Variants in ANK2 observed in about 807,000 individuals in gnomAD.
ANK2 encodes the protein ankyrin 2.
A neutral mutation model predicts 360.5 loss-of-function variants in ANK2; 83 were observed. The ratio of observed to expected loss-of-function variants is 0.23; its 90% CI spans 0.19 to 0.28. ANK2 has a LOEUF of 0.28. Among genes scored for constraint, ANK2 ranks in the 10% least tolerant of loss-of-function variants. The probability of loss-of-function intolerance (pLI) is 1.00; values close to 1 mark genes in which losing one functional copy is unlikely to be tolerated. For synonymous variants in ANK2, 1,740 were observed against 1,759.5 expected (o/e 0.99, Z 0.28); for missense variants, 4,201 against 4,795.7 (o/e 0.88, Z 3.66).
chr4:112,711,076 C>T, the ANK2 span, among the ~76,000 whole-genome samples: 27 of 151,306 alleles, frequency 1.8e-4, no homozygotes, highest in African/African-American at 6.3e-4. Context: ...AGGTGTGAGC[C>T]ACTGCGCCTG....
At chr4:112,869,558 C>T (rs1475281191) in intron 1 of ANK2, among the ~76,000 whole-genome samples, 1 of 152,230 alleles carries the variant, frequency 6.6e-6, no homozygotes, top group East Asian at 1.9e-4. Flanking sequence ...ATTGGGATTA[C>T]AGGCTTAAGC....
rs66628618 is a variant in ANK2, at chr4:113,250,756, C to CCT, written c.990+895_990+896insTC. 1.9e-4 allele frequency among the ~76,000 whole-genome samples: 4 copies of CCT among 21,344 alleles called. 1 individual carries two copies. The highest frequency in any genetic ancestry group is 2.6e-4 in the Non-Finnish European group (2 of 7,692). 14.0% of individuals were successfully genotyped at this position (21,344 alleles called of 152,430 possible). On this transcript the variant is annotated intron_variant, in intron 10 of 45. Coordinates refer to ENST00000357077, the MANE Select transcript of ANK2 (RefSeq NM_001148.6). ...TATTCCATTCCACCTCATACCACCG[C>CCT]CCCCCCCCCCGACAGAGTTGGTATC...
chr4:113,192,157 G>C (rs917516763), intron 2 of ANK2, among the ~76,000 whole-genome samples: 1 of 152,054 alleles, frequency 6.6e-6, no homozygotes, highest in Non-Finnish European at 1.5e-5. Context: ...GTGGTTTGCC[G>C]CATCTATCAA....
chr4:112,973,722 T>G (rs1377601774), intron 2 of ANK2, among the ~76,000 whole-genome samples: 2 of 152,214 alleles, frequency 1.3e-5, no homozygotes, highest in East Asian at 3.8e-4. Flanking sequence ...CTATTGTTTC[T>G]TCAGTCCAAA....
chr4:112,897,083 G>A (rs1441502139), intron 1 of ANK2, among the ~76,000 whole-genome samples: 1 of 152,054 alleles, frequency 6.6e-6, no homozygotes, highest in Admixed American at 6.6e-5. Context: ...TCTTACAGCC[G>A]AGGTTAGAGA....
chr4:113,293,524 A>G lies in ANK2; in HGVS notation c.2461A>G (p.Thr821Ala). The change falls in exon 22 of 46, where the codon ACC (threonine) becomes GCC (alanine). Residue 821 changes from threonine (T) to alanine (A), a missense_variant. By Grantham distance (58) the Thr-to-Ala change is moderately conservative. This residue lies in a region of ANK2 where 1,268 missense variants were observed against 1,650.8 expected (regional missense o/e 0.77). Coordinates refer to ENST00000357077, the MANE Select transcript of ANK2 (RefSeq NM_001148.6). ...CCTGAAGGTTGTGACTGAGGAGGTC[A>G]CCACCACCACCACAGTGAGTATGAG... ...DTLKVVTEEVTTTTTTITEKH... is the reference protein window; with the variant it reads ...DTLKVVTEEVATTTTTITEKH... 1 of 1,607,106 alleles carries G rather than the reference A, an allele frequency of 6.2e-7. No homozygotes were observed. The highest frequency in any genetic ancestry group is 8.5e-7 in the Non-Finnish European group (1 of 1,175,444).
At chr4:112,982,795 A>T (rs2154273271) in intron 2 of ANK2, among the ~76,000 whole-genome samples, 1 of 152,312 alleles carries the variant, frequency 6.6e-6, no homozygotes, top group East Asian at 1.9e-4. Context: ...TACTGTTTAC[A>T]CCTTTCAGTT....
At chr4:112,747,708 A>G in the ANK2 span, among the ~76,000 whole-genome samples, 1 of 152,218 alleles carries the variant, frequency 6.6e-6, no homozygotes. Flanking sequence ...TGGAACATCA[A>G]GAATATTGAG....
At chr4:112,838,203 TTC>T (rs898724458) in intron 1 of ANK2, among the ~76,000 whole-genome samples, 1 of 152,138 alleles carries the variant, frequency 6.6e-6, no homozygotes. Context: ...CACTTCCTCA[TTC>T]TCTCTCTCTT....
At position 112,979,327 on chromosome 4, in the gene ANK2, C is replaced by T. The variant is rs542938588; in HGVS notation, c.21+74813C>T. Among the ~76,000 whole-genome samples, 72 of 152,292 alleles carry T rather than the reference C, an allele frequency of 4.7e-4. No homozygotes were observed. In the East Asian group the frequency reaches 7.9e-3, roughly 17 times the overall value. ...GAGGCTGTGGCTGGATCAGGTGTAC[C>T]GCAAGCAGCTTCCAAGGTGGGTACC... On this transcript the variant is annotated intron_variant, in intron 2 of 30. Transcript: ENST00000503271.
chr4:113,199,753 T>G (rs1355678432), intron 4 of ANK2, among the ~76,000 whole-genome samples: 1 of 152,178 alleles, frequency 6.6e-6, no homozygotes, highest in Admixed American at 6.5e-5. Flanking sequence ...TTGAGAAATA[T>G]ATCTTTATAA....
chr4:112,865,661 A>G (rs2070233880), intron 1 of ANK2, among the ~76,000 whole-genome samples: 1 of 152,224 alleles, frequency 6.6e-6, no homozygotes, highest in African/African-American at 2.4e-5. Context: ...TAGAATTTAT[A>G]AAAGATGTGC....
chr4:112,710,903 T>TTTTA, the ANK2 span, among the ~76,000 whole-genome samples: 1 of 141,292 alleles, frequency 7.1e-6, no homozygotes, highest in Non-Finnish European at 1.5e-5. Flanking sequence ...TGAACAGGTT[T>TTTTA]TATATATATA....
intron 1 of ANK2, among the ~76,000 whole-genome samples, chr4:112,883,844 AAAAT>A (rs1217862625): frequency 7.2e-6 from 1 of 138,346 alleles, no homozygotes; most frequent in Non-Finnish European, 1.5e-5. Context: ...AATATATATA[AAAAT>A]ATCATTCATT....
intron 2 of ANK2, among the ~76,000 whole-genome samples, chr4:112,924,272 G>A (rs2092164899): frequency 6.6e-6 from 1 of 151,898 alleles, no homozygotes; most frequent in Non-Finnish European, 1.5e-5. Flanking sequence ...GGGAGGCTGA[G>A]GCAGAGAATT....
At chr4:112,827,301 A>G in intron 1 of ANK2, 1 of 1,089,518 alleles carries the variant, frequency 9.2e-7, no homozygotes, top group Admixed American at 1.7e-5. Context: ...AAGAAGATCC[A>G]GAACAGCTGA....
chr4:112,808,975 C>A, the ANK2 span, among the ~76,000 whole-genome samples: 1 of 152,026 alleles, frequency 6.6e-6, no homozygotes, highest in African/African-American at 2.4e-5. Context: ...TCTCCTGCAT[C>A]AGCCTCCGGA....
the ANK2 span, among the ~76,000 whole-genome samples, chr4:112,735,760 T>C: frequency 6.6e-6 from 1 of 152,214 alleles, no homozygotes; most frequent in Non-Finnish European, 1.5e-5. Context: ...TTAGGTTTAA[T>C]CACATTGTTC....
the ANK2 span, among the ~76,000 whole-genome samples, chr4:112,714,813 A>G: frequency 4.6e-5 from 7 of 152,208 alleles, no homozygotes; most frequent in Non-Finnish European, 1.0e-4. Context: ...GGGGTATTAT[A>G]TGGGTAGATT....
Sources: allele counts gnomAD v4.1 joint callset (sites outside exome capture counted in the v4.1 genomes callset), GRCh38; gene constraint gnomAD v4.1.1; regional missense constraint gnomAD v4.1.1; transcripts MANE v1.5; gene names NCBI Gene and HGNC (gene_info 2026-07-23, HGNC 2026-07-21).